The following UBE4B variants were observed in gnomAD, a reference collection of about 807,000 sequenced individuals.
The protein encoded by UBE4B is ubiquitination factor E4B, also known as ubiquitin conjugation factor E4 B.
In UBE4B, 27 loss-of-function variants were observed where a neutral mutation model predicts 148.1. That is an observed-to-expected ratio of 0.18 (90% CI 0.13 to 0.25). UBE4B has a LOEUF of 0.25. Ranked by LOEUF, UBE4B falls within the 10% of genes least tolerant of loss-of-function variation. The pLI is 1.00. For missense variants in UBE4B, 1,170 were observed against 1,662.4 expected, an observed-to-expected ratio of 0.70 and a Z score of 5.15; for synonymous variants, 596 against 619.3, an observed-to-expected ratio of 0.96 and a Z score of 0.56.
chr1:10,126,868 C>T lies in UBE4B; in HGVS notation c.1629C>T (p.Tyr543=). The T allele has an allele frequency of 1.2e-6, 2 of 1,613,596 alleles. No homozygotes were observed. The highest frequency in any genetic ancestry group is 1.7e-6 in the Non-Finnish European group (2 of 1,179,590). Residue 543 remains tyrosine, a synonymous_variant, in exon 11 of 28, where the codon TAC becomes TAT. Coordinates refer to ENST00000343090, the MANE Select transcript of UBE4B (RefSeq NM_001105562.3). Reference sequence around the variant, plus strand: ...CCCTCGACAGTGACTACTTTAAATACCCCCTCATGGTAAAACTTTGTTCTT... The same window carrying T: ...CCCTCGACAGTGACTACTTTAAATATCCCCTCATGGTAAAACTTTGTTCTT... The part of the protein sequence containing the change: ...ECSLDSDYFK[Y]PLMALGELCE...
At chr1:10,082,607 A>G (rs1200403982) in intron 2 of UBE4B, among the ~76,000 whole-genome samples, 1 of 144,000 alleles carries the variant, frequency 6.9e-6, no homozygotes, top group African/African-American at 2.6e-5. Flanking sequence ...GTACATAATC[A>G]CTGTAGGTCC....
At chr1:10,066,643 C>T (rs976041426) in intron 1 of UBE4B, among the ~76,000 whole-genome samples, 14 of 152,008 alleles carry the variant, frequency 9.2e-5, no homozygotes, top group African/African-American at 3.4e-4. Flanking sequence ...AGGTGGCTCA[C>T]GCTTGTAATC....
intron 10 of UBE4B, among the ~76,000 whole-genome samples, chr1:10,123,171 C>T (rs1159425596): frequency 1.3e-5 from 2 of 152,116 alleles, no homozygotes; most frequent in Non-Finnish European, 2.9e-5. Flanking sequence ...TGGCTCACGC[C>T]TGTAATCTCA....
chr1:10,144,044 C>CA (rs1435824678), intron 17 of UBE4B, among the ~76,000 whole-genome samples: 1 of 152,180 alleles, frequency 6.6e-6, no homozygotes, highest in Non-Finnish European at 1.5e-5. Context: ...GTATTACACA[C>CA]AACATCATGA....
intron 25 of UBE4B, among the ~76,000 whole-genome samples, chr1:10,176,778 C>CT (rs1646434399): frequency 7.2e-6 from 1 of 138,316 alleles, no homozygotes; most frequent in Non-Finnish European, 1.6e-5. Flanking sequence ...TTCTTTTTTT[C>CT]TTTTTCTTTT....
chr1:10,138,810 T>C (rs1424230968), intron 17 of UBE4B, among the ~76,000 whole-genome samples: 1 of 152,178 alleles, frequency 6.6e-6, no homozygotes, highest in African/African-American at 2.4e-5. Context: ...TTAGCACTGG[T>C]TGAATTTTAT....
At chr1:10,157,166 C>T (rs921138972) in intron 21 of UBE4B, among the ~76,000 whole-genome samples, 20 of 152,136 alleles carry the variant, frequency 1.3e-4, no homozygotes, top group African/African-American at 4.6e-4. Context: ...GGGCACACAC[C>T]ACCATGCCCT....
intron 8 of UBE4B, 65 bp downstream of exon 8, chr1:10,117,665 CT>C: frequency 3.4e-6 from 5 of 1,481,136 alleles, no homozygotes; most frequent in Non-Finnish European, 4.5e-6. Flanking sequence ...ATCCCCACCC[CT>C]GGAGCATTCA....
In UBE4B at chr1:10,106,353, A is replaced by G; in HGVS notation, c.966A>G (p.Gly322=). ...GTGCAGCCTCTGGAACTGCTGCGGG[A>G]AGCCAGCCTTCATCCCCGCGGTATC... ...PHSAASGTAA[G]SQPSSPRYRP... is the part of the protein sequence containing the mutation. Residue 322 remains glycine, a synonymous_variant, in exon 7 of 28, where the codon GGA becomes GGG. Coordinates refer to ENST00000343090, the MANE Select transcript of UBE4B (RefSeq NM_001105562.3). This position sits in a 1 kb window ranked among gnomAD's most constrained non-coding sequence, Gnocchi z 4.2. 6.2e-7 allele frequency: 1 copy of G among 1,613,806 alleles called. No individual in the cohort carries two copies. Among genetic ancestry groups the G allele is most frequent in the Admixed American group, 1.7e-5 (1 of 59,990 alleles).
rs1645330717 is a variant in UBE4B at position 10,117,440 on chromosome 1, C to T, written c.1197-19C>T. 1 of 1,604,672 alleles carries T rather than the reference C, an allele frequency of 6.2e-7. No homozygotes were observed. The highest frequency in any genetic ancestry group is 2.2e-5 in the East Asian group (1 of 44,852). ...AATCAAGAGATAAGAATCAGAATTT[C>T]TTCTTGTCTTCTCTGAAGTTTGGGA... On this transcript the variant is annotated intron_variant, in intron 7 of 27. Coordinates refer to ENST00000343090, the MANE Select transcript of UBE4B (RefSeq NM_001105562.3).
intron 3 of UBE4B, among the ~76,000 whole-genome samples, chr1:10,097,742 G>A (rs1644951893): frequency 6.6e-6 from 1 of 152,058 alleles, no homozygotes; most frequent in Non-Finnish European, 1.5e-5. Flanking sequence ...CTTGGGAGGT[G>A]GAGGTTGCTG....
chr1:10,151,152 G>A (rs1321407746), intron 20 of UBE4B, among the ~76,000 whole-genome samples, 174 bp from the exon 21 acceptor site: 1 of 149,150 alleles, frequency 6.7e-6, no homozygotes, highest in Non-Finnish European at 1.5e-5. Flanking sequence ...GACAGAGCGA[G>A]ACTCTGTCTC....
At chr1:10,128,397 G>T (rs1324159946) in intron 11 of UBE4B, 1 of 152,260 alleles carries the variant, frequency 6.6e-6, no homozygotes, top group Non-Finnish European at 1.5e-5. Flanking sequence ...GCGGAAGACT[G>T]TTGAAGCTAA....
chr1:10,097,052 A>AAAAAAAAAAAAAAAATAAT (rs554089049), intron 3 of UBE4B, among the ~76,000 whole-genome samples: 1 of 138,516 alleles, frequency 7.2e-6, no homozygotes, highest in African/African-American at 2.6e-5. Flanking sequence ...AAAAAAAAAA[A>AAAAAAAAAAAAAAAATAAT]AATAATAATA....
chr1:10,089,310 C>G (rs1353514686), intron 2 of UBE4B, among the ~76,000 whole-genome samples: 6 of 151,942 alleles, frequency 3.9e-5, no homozygotes, highest in Non-Finnish European at 8.8e-5. Context: ...CAGCCAAGAA[C>G]AAAATGTTTT....
chr1:10,106,710 G>T lies in UBE4B; in HGVS notation c.1196+127G>T, dbSNP rs1214404088. 4 of 1,279,488 alleles carry T rather than the reference G, an allele frequency of 3.1e-6. No individual in the cohort carries two copies. The East Asian group carries it at 8.0e-5, about 26-fold the overall frequency. The allele number at this position is 1,279,488 out of a possible 1,614,324, so 79.3% of individuals were successfully genotyped here. On this transcript the variant is annotated intron_variant, in intron 7 of 27. Coordinates refer to ENST00000343090, the MANE Select transcript of UBE4B (RefSeq NM_001105562.3). The surrounding 1 kb of genome is among the most constrained non-coding windows in gnomAD (Gnocchi z 4.2). ...GTTGTTTTGGGTTATTAACCTGTGT[G>T]GCTAACTAGTTTGGTAGGCACGTAC...
At position 10,106,656 on chromosome 1, in the gene UBE4B, G is replaced by A. The variant is rs1360891543; in HGVS notation, c.1196+73G>A. ...AGGAGATTAACACGGTTTGGAAGAA[G>A]TGCTGTGTGACACTGACTCTGTTAA... On this transcript the variant is annotated intron_variant, in intron 7 of 27. Transcript: ENST00000343090. This position sits in a 1 kb window ranked among gnomAD's most constrained non-coding sequence, Gnocchi z 4.2. 2 of 1,476,822 alleles carry A rather than the reference G, an allele frequency of 1.4e-6. No homozygotes were observed. Among genetic ancestry groups the A allele is most frequent in the African/African-American group, 2.8e-5 (2 of 71,004 alleles). The allele number at this position is 1,476,822 out of a possible 1,614,324, so 91.5% of individuals were successfully genotyped here. A position where few individuals can be genotyped will look rare whatever the true frequency, so the allele number is the denominator to read the frequency against.
intron 10 of UBE4B, among the ~76,000 whole-genome samples, chr1:10,124,207 G>A (rs537161674): frequency 6.6e-6 from 1 of 151,562 alleles, no homozygotes; most frequent in South Asian, 2.1e-4. Context: ...TGTTACCCAG[G>A]CTGGAGTGCA....
chr1:10,167,168 G>A (rs950659283), intron 23 of UBE4B, among the ~76,000 whole-genome samples: 6 of 151,306 alleles, frequency 4.0e-5, no homozygotes, highest in Non-Finnish European at 7.4e-5. Context: ...GGCCGGGCAC[G>A]GTGGCTTACG....
Sources: gnomAD v4.1 joint callset for allele counts (sites outside exome capture counted in the v4.1 genomes callset) on GRCh38, gnomAD v4.1.1 for gene constraint, Gnocchi (gnomAD v3.1) non-coding constraint, MANE v1.5 for transcripts, NCBI Gene and HGNC (gene_info 2026-07-23, HGNC 2026-07-21) for gene names.